POU6F2: variants seen among roughly 807,000 people sequenced by gnomAD.
POU6F2 encodes the protein POU class 6 homeobox 2.
In POU6F2, 31 loss-of-function variants were observed where a neutral mutation model predicts 71.3. The ratio of observed to expected loss-of-function variants is 0.43; its 90% CI spans 0.33 to 0.59. The LOEUF is 0.59. Among genes scored for constraint, POU6F2 ranks in the 20% least tolerant of loss-of-function variants. POU6F2 has a pLI of 0.04. For synonymous variants in POU6F2, 347 were observed against 355.7 expected (o/e 0.98, Z 0.27); for missense variants, 783 against 856.8 (o/e 0.91, Z 1.07).
intron 6 of POU6F2, among the ~76,000 whole-genome samples, chr7:39,426,591 TTCTCTCTCCC>T (rs1406936238): frequency 2.0e-5 from 3 of 152,048 alleles, no homozygotes; most frequent in African/African-American, 4.8e-5. Flanking sequence ...CCTCTTCTTC[TTCTCTCTCCC>T]TCTCTCTCAC....
intron 2 of POU6F2, among the ~76,000 whole-genome samples, chr7:39,094,644 G>A (rs1791419386): frequency 6.6e-6 from 1 of 152,038 alleles, no homozygotes; most frequent in Non-Finnish European, 1.5e-5. Flanking sequence ...AATATGGCAA[G>A]ATTTATTTTT....
intron 2 of POU6F2, among the ~76,000 whole-genome samples, chr7:39,121,540 A>G (rs1034765855): frequency 6.6e-6 from 1 of 151,926 alleles, no homozygotes; most frequent in South Asian, 2.1e-4. Flanking sequence ...ATTATTTCTC[A>G]CTCATTATCT....
intron 4 of POU6F2, among the ~76,000 whole-genome samples, chr7:39,322,198 G>A (rs547921421): frequency 6.6e-6 from 1 of 152,336 alleles, no homozygotes; most frequent in African/African-American, 2.4e-5. Flanking sequence ...GACAGAGCAT[G>A]CAATTGCAGA....
chr7:39,433,883 C>CT (rs748977182), intron 7 of POU6F2, among the ~76,000 whole-genome samples: 4 of 152,188 alleles, frequency 2.6e-5, no homozygotes, highest in Non-Finnish European at 5.9e-5. Context: ...TAATTGGCTC[C>CT]TTCAACAAAC....
At position 39,307,205 on chromosome 7, in the gene POU6F2, A is replaced by C. The variant is rs1785063441; in HGVS notation, c.599-32437A>C. Among the ~76,000 whole-genome samples the C allele has an allele frequency of 2.0e-5, 3 of 152,314 alleles. No individual in the cohort carries two copies. The South Asian group carries it at 6.2e-4, about 32-fold the overall frequency. On this transcript the variant is annotated intron_variant, in intron 4 of 9. Coordinates refer to ENST00000518318, the MANE Select transcript of POU6F2 (RefSeq NM_001370959.1). Reference sequence around the variant, plus strand: ...CATCTTTTTGCTAGGTCAATATTTAATAGGTCAGAATATTCTTTCTACAAT... The same window carrying C: ...CATCTTTTTGCTAGGTCAATATTTACTAGGTCAGAATATTCTTTCTACAAT...
At chr7:39,146,873 T>C (rs1792635620) in intron 2 of POU6F2, among the ~76,000 whole-genome samples, 1 of 152,176 alleles carries the variant, frequency 6.6e-6, no homozygotes, top group Non-Finnish European at 1.5e-5. Context: ...CTTTCTATGC[T>C]CCAAATAATT....
intron 2 of POU6F2, among the ~76,000 whole-genome samples, chr7:39,088,950 G>A (rs1321797535): frequency 6.6e-6 from 1 of 152,102 alleles, no homozygotes; most frequent in East Asian, 1.9e-4. Flanking sequence ...AGGAACCACT[G>A]GGCCTTTTAT....
intron 1 of POU6F2, among the ~76,000 whole-genome samples, chr7:39,021,724 C>G (rs1009163605): frequency 4.6e-5 from 7 of 151,904 alleles, no homozygotes; most frequent in African/African-American, 1.7e-4. Flanking sequence ...ACATAGATAT[C>G]ATATTAATTC....
At chr7:39,308,696 C>G (rs1377396405) in intron 4 of POU6F2, among the ~76,000 whole-genome samples, 1 of 152,204 alleles carries the variant, frequency 6.6e-6, no homozygotes, top group African/African-American at 2.4e-5. Flanking sequence ...CCAGCTCAGA[C>G]TGGAGGCCAT....
chr7:39,402,077 G>A (rs1342039706), intron 5 of POU6F2, among the ~76,000 whole-genome samples: 1 of 152,202 alleles, frequency 6.6e-6, no homozygotes, highest in African/African-American at 2.4e-5. Flanking sequence ...GACTACTAAT[G>A]TTCAGATTTA....
At chr7:39,160,584 C>G (rs1328355322) in intron 2 of POU6F2, among the ~76,000 whole-genome samples, 1 of 152,162 alleles carries the variant, frequency 6.6e-6, no homozygotes, top group Non-Finnish European at 1.5e-5. Flanking sequence ...AAACTGACCT[C>G]CTGCTTTCCT....
intron 1 of POU6F2, among the ~76,000 whole-genome samples, chr7:39,016,080 TTATATCTATATTATACATTA>T (rs1789536027): frequency 9.8e-6 from 1 of 101,576 alleles, no homozygotes; most frequent in East Asian, 2.6e-4. Flanking sequence ...TAGATATATA[TTATATCTATATTATACATTA>T]TATATCTATA....
chr7:39,209,393 G>A (rs977573480), intron 4 of POU6F2, among the ~76,000 whole-genome samples: 4 of 152,102 alleles, frequency 2.6e-5, no homozygotes, highest in East Asian at 3.9e-4. Context: ...TGGAGTTGAC[G>A]CCCAAGCTCT....
intron 1 of POU6F2, among the ~76,000 whole-genome samples, chr7:39,028,749 A>G (rs1360152987): frequency 6.6e-6 from 1 of 152,160 alleles, no homozygotes; most frequent in African/African-American, 2.4e-5. Flanking sequence ...AAATTTGTAT[A>G]GTTCTCTTTG....
chr7:39,185,879 G>T (rs13308401), intron 2 of POU6F2, among the ~76,000 whole-genome samples: 2 of 148,554 alleles, frequency 1.3e-5, no homozygotes, highest in African/African-American at 2.5e-5. Context: ...ATATGTATAT[G>T]TATATATTTA....
At chr7:39,182,697 A>T (rs1438124539) in intron 2 of POU6F2, among the ~76,000 whole-genome samples, 1 of 151,900 alleles carries the variant, frequency 6.6e-6, no homozygotes, top group Non-Finnish European at 1.5e-5. Flanking sequence ...GCAATTGTAA[A>T]CCATTGTATT....
chr7:39,079,880 A>T (rs1469416376), intron 1 of POU6F2, among the ~76,000 whole-genome samples: 1 of 152,142 alleles, frequency 6.6e-6, no homozygotes, highest in Non-Finnish European at 1.5e-5. Context: ...TATAATGGAA[A>T]TTTTTGTCTG....
Position 39,451,706 on chromosome 7 carries a change from G to C in POU6F2, c.1489+5G>C. 6.3e-7 allele frequency: 1 copy of C among 1,577,590 alleles called. No individual in the cohort carries two copies. Among genetic ancestry groups the C allele is most frequent in the Non-Finnish European group, 8.6e-7 (1 of 1,161,036 alleles). On this transcript the variant is annotated splice_donor_5th_base_variant and intron_variant, in intron 8 of 9. Transcript: ENST00000518318. The stretch of plus-strand genomic sequence containing the variant: ...GCGTGGGCCAGTTAGTCAGCAGTAA[G>C]TATCCTTTCTGGCTCGGTTTAAATC...
Position 39,467,742 on chromosome 7 carries a change from A to T in POU6F2, c.*3056A>T. 1 of 152,296 alleles carries T rather than the reference A, an allele frequency of 6.6e-6. No homozygotes were observed. The highest frequency in any genetic ancestry group is 1.5e-5 in the Non-Finnish European group (1 of 68,030). The allele number at this position is 152,296 out of a possible 1,614,324, so 9.4% of individuals were successfully genotyped here. A position where few individuals can be genotyped will look rare whatever the true frequency, so the allele number is the denominator to read the frequency against. On this transcript the variant is annotated 3_prime_UTR_variant, in exon 10 of 10. Transcript: ENST00000518318. Reference sequence around the variant, plus strand: ...CATACACATACAACACAAAAGAGAGAACAAAAAAGCAAAAGGAGCTAGGAA... The same window carrying T: ...CATACACATACAACACAAAAGAGAGTACAAAAAAGCAAAAGGAGCTAGGAA...
Sources: gnomAD v4.1 joint callset for allele counts (sites outside exome capture counted in the v4.1 genomes callset) on GRCh38, gnomAD v4.1.1 for gene constraint, MANE v1.5 for transcripts, NCBI Gene and HGNC (gene_info 2026-07-23, HGNC 2026-07-21) for gene names.